The following HDAC9 variants were observed in gnomAD, a reference collection of about 807,000 sequenced individuals.
HDAC9 encodes histone deacetylase 9.
A neutral mutation model predicts 139.4 loss-of-function variants in HDAC9; 41 were observed. The observed-to-expected ratio is 0.29, with a 90% CI of 0.23 to 0.38. HDAC9 has a LOEUF of 0.38. HDAC9 is among the 10% of genes least tolerant of loss of function. The pLI is 1.00. For missense variants in HDAC9, 1,147 were observed against 1,297.0 expected (o/e 0.88, Z 1.78); for synonymous variants, 517 against 476.2 (o/e 1.09, Z -1.12).
intron 25 of HDAC9, among the ~76,000 whole-genome samples, chr7:18,991,445 G>A (rs1785944432): frequency 6.6e-6 from 1 of 152,138 alleles, no homozygotes; most frequent in Non-Finnish European, 1.5e-5. Flanking sequence ...AGACCATCCT[G>A]GCTAACACGG....
intron 1 of HDAC9, among the ~76,000 whole-genome samples, chr7:18,444,170 C>T (rs777415899): frequency 1.1e-4 from 16 of 151,556 alleles, no homozygotes; most frequent in African/African-American, 2.4e-5. Flanking sequence ...GAAACCCCTT[C>T]TCTACTAAAA....
At chr7:18,818,663 T>G (rs1057461448) in intron 17 of HDAC9, among the ~76,000 whole-genome samples, 14 of 152,218 alleles carry the variant, frequency 9.2e-5, no homozygotes, top group Admixed American at 5.9e-4. Flanking sequence ...CTGAATCATC[T>G]TGACGTTTTG....
At chr7:18,691,753 T>C (rs922622273) in intron 12 of HDAC9, among the ~76,000 whole-genome samples, 62 of 152,178 alleles carry the variant, frequency 4.1e-4, no homozygotes, top group African/African-American at 1.5e-3. Context: ...CTGTGTGTAA[T>C]TTTTTTCCAC....
At chr7:18,196,929 T>C (rs1411429982) in intron 2 of HDAC9, among the ~76,000 whole-genome samples, 1 of 152,166 alleles carries the variant, frequency 6.6e-6, no homozygotes. Context: ...AAACACTACT[T>C]AGGGTGATAC....
intron 12 of HDAC9, among the ~76,000 whole-genome samples, chr7:18,698,118 C>T (rs887185326): frequency 6.6e-6 from 1 of 152,160 alleles, no homozygotes; most frequent in Non-Finnish European, 1.5e-5. Flanking sequence ...TCACTAAACA[C>T]ATCAAAAATT....
upstream of HDAC9, among the ~76,000 whole-genome samples, chr7:18,285,962 C>G (rs1797422434): frequency 6.6e-6 from 1 of 152,052 alleles, no homozygotes; most frequent in African/African-American, 2.4e-5. Flanking sequence ...TCTTTTTATG[C>G]TGGGCAACTG....
intron 1 of HDAC9, among the ~76,000 whole-genome samples, chr7:18,379,012 A>T (rs1785214742): frequency 6.6e-6 from 1 of 152,142 alleles, no homozygotes. Context: ...ATTTATACCT[A>T]AAAAAATCAT....
At position 18,814,093 on chromosome 7, in the gene HDAC9, T is replaced by C. The variant is rs184431203; in HGVS notation, c.2323-15068T>C. ...CATTACTTATATATGCTTTAGCTTA[T>C]ACTGACTAAAAATTGCTGCATCTTT... On this transcript the variant is annotated intron_variant, in intron 17 of 25. Coordinates refer to ENST00000686413, the MANE Select transcript of HDAC9 (RefSeq NM_178425.4). Among the ~76,000 whole-genome samples the C allele has an allele frequency of 3.3e-5, 5 of 152,346 alleles. No individual in the cohort carries two copies. The East Asian group carries it at 9.6e-4, about 29-fold the overall frequency.
rs964627564 is a variant in HDAC9, at chr7:18,368,560, A to G, written c.-42+78045A>G. The stretch of plus-strand genomic sequence containing the variant: ...GCTAAACCGTGCTTTATTTTCTGGG[A>G]AAAAAAACCCCCAAGGTTTATATTA... On this transcript the variant is annotated intron_variant, in intron 1 of 3. Transcript: ENST00000413509. Among the ~76,000 whole-genome samples, 15 of 151,802 alleles carry G rather than the reference A, an allele frequency of 9.9e-5. No homozygotes were observed. In the South Asian group the frequency reaches 1.5e-3, roughly 15 times the overall value.
At chr7:18,985,518 C>T (rs1282840860) in intron 25 of HDAC9, among the ~76,000 whole-genome samples, 4 of 151,938 alleles carry the variant, frequency 2.6e-5, no homozygotes, top group South Asian at 2.1e-4. Flanking sequence ...TGAATAGTGC[C>T]GCAATAAACG....
intron 1 of HDAC9, among the ~76,000 whole-genome samples, chr7:18,369,105 T>C (rs1381667649): frequency 6.6e-6 from 1 of 152,114 alleles, no homozygotes; most frequent in Non-Finnish European, 1.5e-5. Context: ...ATCTTTTATA[T>C]GTTTAAAGTG....
rs1488912374 is a variant in HDAC9 at position 19,002,013 on chromosome 7, G to A, written c.*5951G>A. 6.6e-6 allele frequency: 1 copy of A among 152,012 alleles called. No individual in the cohort carries two copies. The highest frequency in any genetic ancestry group is 1.5e-5 in the Non-Finnish European group (1 of 67,910). The allele number at this position is 152,012 out of a possible 1,614,324, so 9.4% of individuals were successfully genotyped here. On this transcript the variant is annotated 3_prime_UTR_variant, in exon 26 of 26. Coordinates refer to ENST00000686413, the MANE Select transcript of HDAC9 (RefSeq NM_178425.4). ...GGTCTGATATCCGTTTCTGTAATAA[G>A]ATCAGTTTGTTGTCCTCTGTGCACC...
At chr7:18,564,140 G>A (rs1821515107) in intron 2 of HDAC9, among the ~76,000 whole-genome samples, 1 of 151,808 alleles carries the variant, frequency 6.6e-6, no homozygotes, top group African/African-American at 2.4e-5. Context: ...CGGCCAGATT[G>A]TAAATTTTTT....
intron 21 of HDAC9, among the ~76,000 whole-genome samples, chr7:18,849,621 A>G (rs2129222610): frequency 6.6e-6 from 1 of 152,280 alleles, no homozygotes; most frequent in Non-Finnish European, 1.5e-5. Context: ...TGAACATATA[A>G]TTGGTTTTAT....
intron 1 of HDAC9, among the ~76,000 whole-genome samples, chr7:18,455,124 C>G (rs937456958): frequency 6.6e-6 from 1 of 151,906 alleles, no homozygotes; most frequent in African/African-American, 2.4e-5. Context: ...AAAAAGGAGA[C>G]AGGGACATAG....
At chr7:18,454,288 C>A (rs1292060662) in intron 1 of HDAC9, among the ~76,000 whole-genome samples, 3 of 151,818 alleles carry the variant, frequency 2.0e-5, no homozygotes, top group African/African-American at 7.3e-5. Flanking sequence ...GTAGGTCACT[C>A]GAATTTTGAG....
At chr7:18,597,275 T>C (rs1295569826) in intron 6 of HDAC9, among the ~76,000 whole-genome samples, 2 of 152,154 alleles carry the variant, frequency 1.3e-5, no homozygotes, top group African/African-American at 4.8e-5. Flanking sequence ...TATTTTGAAG[T>C]GGAAAATAAC....
chr7:18,652,202 A>T (rs933176098), intron 11 of HDAC9, among the ~76,000 whole-genome samples: 13 of 152,130 alleles, frequency 8.5e-5, no homozygotes, highest in African/African-American at 3.1e-4. Flanking sequence ...CAAAAAATCA[A>T]GAGTTTCTTT....
intron 1 of HDAC9, among the ~76,000 whole-genome samples, chr7:18,134,656 C>G (rs1250147098): frequency 6.6e-6 from 1 of 152,134 alleles, no homozygotes; most frequent in African/African-American, 2.4e-5. Context: ...GATTCTAAAT[C>G]AGCTTTCTGT....
Sources: allele counts gnomAD v4.1 joint callset (sites outside exome capture counted in the v4.1 genomes callset), GRCh38; gene constraint gnomAD v4.1.1; transcripts MANE v1.5; gene names NCBI Gene and HGNC (gene_info 2026-07-23, HGNC 2026-07-21).